ATRNL1: variants seen among roughly 807,000 people sequenced by gnomAD.
The protein encoded by ATRNL1 is attractin-like protein 1.
In ATRNL1, 95 loss-of-function variants were observed where a neutral mutation model predicts 182.7. The ratio of observed to expected loss-of-function variants is 0.52; its 90% CI spans 0.44 to 0.62. ATRNL1 has a LOEUF of 0.62. Among genes scored for constraint, ATRNL1 ranks in the 20% least tolerant of loss-of-function variants. ATRNL1 has a pLI of 0.00. For missense variants in ATRNL1, 1,471 were observed against 1,679.5 expected (o/e 0.88, Z 2.17); for synonymous variants, 576 against 568.3 (o/e 1.01, Z -0.19).
chr10:115,807,080 G>A (rs748465020), intron 27 of ATRNL1, among the ~76,000 whole-genome samples: 3 of 151,432 alleles, frequency 2.0e-5, no homozygotes, highest in Non-Finnish European at 4.4e-5. Flanking sequence ...GAACTCCAAT[G>A]AATGCATGTC....
At chr10:115,901,544 G>C (rs1460037884) in intron 28 of ATRNL1, among the ~76,000 whole-genome samples, 1 of 151,586 alleles carries the variant, frequency 6.6e-6, no homozygotes, top group Non-Finnish European at 1.5e-5. Context: ...TTTTGTTTTT[G>C]TTGCACTTAA....
chr10:115,432,885 A>G (rs1466879360), intron 21 of ATRNL1, among the ~76,000 whole-genome samples: 2 of 152,058 alleles, frequency 1.3e-5, no homozygotes, highest in African/African-American at 4.8e-5. Flanking sequence ...TTAAAAATGA[A>G]AGACTAGGCT....
intron 26 of ATRNL1, among the ~76,000 whole-genome samples, chr10:115,600,213 A>C (rs527241836): frequency 2.7e-4 from 36 of 135,108 alleles, no homozygotes; most frequent in South Asian, 5.1e-4. Context: ...ACTGTTATGA[A>C]TGTTTGTTTA....
intron 28 of ATRNL1, among the ~76,000 whole-genome samples, chr10:115,906,513 A>G (rs534934698): frequency 6.6e-6 from 1 of 152,296 alleles, no homozygotes; most frequent in Non-Finnish European, 1.5e-5. Flanking sequence ...CCTTTATTCA[A>G]AACAATCACA....
intron 17 of ATRNL1, among the ~76,000 whole-genome samples, chr10:115,306,204 T>C (rs879990092): frequency 2.0e-5 from 3 of 152,176 alleles, no homozygotes; most frequent in Non-Finnish European, 4.4e-5. Flanking sequence ...TAAATAATCT[T>C]TAGTAATTTC....
intron 28 of ATRNL1, among the ~76,000 whole-genome samples, chr10:115,858,835 A>G (rs1350342211): frequency 6.6e-6 from 1 of 152,080 alleles, no homozygotes; most frequent in East Asian, 1.9e-4. Flanking sequence ...CCTACTTTAC[A>G]TAGGTTTGGG....
At chr10:115,530,728 T>A (rs11812633) in intron 25 of ATRNL1, among the ~76,000 whole-genome samples, 1 of 150,146 alleles carries the variant, frequency 6.7e-6, no homozygotes, top group Non-Finnish European at 1.5e-5. Context: ...GCTGCACCCA[T>A]TAACTCGTCA....
chr10:115,440,422 A>G (rs1554965488), intron 21 of ATRNL1, among the ~76,000 whole-genome samples: 1 of 151,916 alleles, frequency 6.6e-6, no homozygotes, highest in African/African-American at 2.4e-5. Context: ...ATTACCCGAT[A>G]CCTTGTCATT....
At chr10:115,168,041 A>G (rs543193809) in intron 7 of ATRNL1, among the ~76,000 whole-genome samples, 1 of 152,266 alleles carries the variant, frequency 6.6e-6, no homozygotes, top group African/African-American at 2.4e-5. Flanking sequence ...CTTTCTCTAT[A>G]TATTGGTCCA....
At chr10:115,480,695 T>C (rs1554974007) in intron 24 of ATRNL1, among the ~76,000 whole-genome samples, 1 of 151,040 alleles carries the variant, frequency 6.6e-6, no homozygotes, top group African/African-American at 2.4e-5. Context: ...TTCTCAAAAT[T>C]CTCACAAGGA....
chr10:115,286,964 A>G (rs1592382726), intron 15 of ATRNL1, among the ~76,000 whole-genome samples: 1 of 151,958 alleles, frequency 6.6e-6, no homozygotes, highest in South Asian at 2.1e-4. Context: ...TGGATAGGTT[A>G]CTTGGAATAC....
chr10:115,463,140 C>T (rs1322721682), intron 22 of ATRNL1, among the ~76,000 whole-genome samples: 1 of 151,688 alleles, frequency 6.6e-6, no homozygotes, highest in Admixed American at 6.6e-5. Flanking sequence ...AATACTATGA[C>T]ATTTTGCAAC....
intron 26 of ATRNL1, among the ~76,000 whole-genome samples, chr10:115,652,058 G>T (rs986105747): frequency 6.6e-6 from 1 of 152,018 alleles, no homozygotes; most frequent in Non-Finnish European, 1.5e-5. Flanking sequence ...TCACAAATTT[G>T]TTATGGATTG....
At chr10:115,790,256 GA>G (rs10551374) in intron 27 of ATRNL1, among the ~76,000 whole-genome samples, 78,658 of 143,080 alleles carry the variant, frequency 0.55, 20,922 homozygotes, top group East Asian at 0.73. Flanking sequence ...AGTTTAAAAA[GA>G]AAAAAAAAAA....
At chr10:115,938,360 T>C (rs1168095144) in intron 28 of ATRNL1, among the ~76,000 whole-genome samples, 1 of 152,248 alleles carries the variant, frequency 6.6e-6, no homozygotes, top group Non-Finnish European at 1.5e-5. Flanking sequence ...TAAAAAGACA[T>C]GTTTACCATT....
At chr10:115,685,039 A>G (rs1049183353) in intron 26 of ATRNL1, among the ~76,000 whole-genome samples, 4 of 151,750 alleles carry the variant, frequency 2.6e-5, no homozygotes, top group Admixed American at 1.3e-4. Flanking sequence ...GCCATTTCCA[A>G]TCATAAATCC....
intron 24 of ATRNL1, among the ~76,000 whole-genome samples, chr10:115,489,217 G>A (rs1217637607): frequency 6.6e-6 from 1 of 152,184 alleles, no homozygotes; most frequent in Non-Finnish European, 1.5e-5. Flanking sequence ...TTGGGGTGGA[G>A]AGTTCTGTGG....
chr10:115,327,829 G>T (rs1239395102), intron 18 of ATRNL1, among the ~76,000 whole-genome samples: 1 of 151,708 alleles, frequency 6.6e-6, no homozygotes, highest in Non-Finnish European at 1.5e-5. Flanking sequence ...GTAAACTATC[G>T]CAAGAATAAA....
rs1554969762 is a variant in ATRNL1, at chr10:115,461,997, C to T, written c.3379C>T (p.His1127Tyr). ...TFSLLQEDDR[H>Y]HTAINFIANP... Reference sequence around the variant, plus strand: ...CAGCTTATTACAGGAAGATGATCGCCACCATACTGCCATAAACTTTATAGC... The same window carrying T: ...CAGCTTATTACAGGAAGATGATCGCTACCATACTGCCATAAACTTTATAGC... The change falls in exon 22 of 29, where the codon CAC becomes TAC. Residue 1127 changes from histidine to tyrosine, a missense_variant. Physicochemically the swap from His to Tyr is moderately conservative, Grantham distance 83. This residue lies in a region of ATRNL1 where 437 missense variants were observed against 506.0 expected (regional missense o/e 0.86). Transcript: ENST00000355044. The T allele has an allele frequency of 1.2e-6, 2 of 1,610,958 alleles. No homozygotes were observed. The highest frequency in any genetic ancestry group is 8.5e-7 in the Non-Finnish European group (1 of 1,178,368).
Sources: gnomAD v4.1 joint callset for allele counts (sites outside exome capture counted in the v4.1 genomes callset) on GRCh38, gnomAD v4.1.1 for gene constraint, gnomAD v4.1.1 regional missense constraint, MANE v1.5 for transcripts, NCBI Gene and HGNC (gene_info 2026-07-23, HGNC 2026-07-21) for gene names.